Variants in GPC5 observed in about 807,000 individuals in gnomAD.
GPC5 encodes the protein glypican 5.
Under a neutral mutation model 53.9 loss-of-function variants are expected in GPC5, and 47 were observed. That is an observed-to-expected ratio of 0.87 (90% CI 0.69 to 1.11). The LOEUF (loss-of-function observed/expected upper bound fraction) is 1.11. GPC5 is among the 50% of genes most tolerant of loss of function. GPC5 has a pLI of 0.00. For synonymous variants in GPC5, 286 were observed against 263.3 expected, an observed-to-expected ratio of 1.09 and a Z score of -0.84; for missense variants, 748 against 713.1, an observed-to-expected ratio of 1.05 and a Z score of -0.56.
intron 6 of GPC5, among the ~76,000 whole-genome samples, chr13:91,909,778 A>T (rs946650000): frequency 1.3e-5 from 2 of 152,106 alleles, no homozygotes; most frequent in African/African-American, 4.8e-5. Context: ...GGATTATAGA[A>T]ACCCTTAGGA....
At chr13:92,843,931 G>A (rs915697350) in intron 7 of GPC5, among the ~76,000 whole-genome samples, 4 of 151,482 alleles carry the variant, frequency 2.6e-5, no homozygotes, top group Admixed American at 6.6e-5. Context: ...CATATGTCAC[G>A]ATTTACCCAG....
chr13:92,135,415 A>G (rs1176627647), intron 6 of GPC5, among the ~76,000 whole-genome samples: 1 of 152,042 alleles, frequency 6.6e-6, no homozygotes, highest in Non-Finnish European at 1.5e-5. Context: ...GTTAGTTTTT[A>G]GTTTGAACTC....
At chr13:92,226,262 T>C (rs1382160441) in intron 7 of GPC5, among the ~76,000 whole-genome samples, 1 of 152,202 alleles carries the variant, frequency 6.6e-6, no homozygotes, top group Admixed American at 6.5e-5. Context: ...TATAGCAGTG[T>C]GAAAACACAC....
intron 6 of GPC5, among the ~76,000 whole-genome samples, chr13:91,954,505 G>T (rs2040055616): frequency 6.6e-6 from 1 of 151,848 alleles, no homozygotes; most frequent in African/African-American, 2.4e-5. Context: ...ATATGCATAA[G>T]CAACTCAGTA....
chr13:92,657,679 T>C (rs2139178210), intron 7 of GPC5, among the ~76,000 whole-genome samples: 1 of 149,830 alleles, frequency 6.7e-6, no homozygotes, highest in South Asian at 2.1e-4. Flanking sequence ...ACCCTTTCAG[T>C]AGCATCAACA....
intron 7 of GPC5, among the ~76,000 whole-genome samples, chr13:92,236,314 T>G (rs933795038): frequency 6.6e-6 from 1 of 152,106 alleles, no homozygotes; most frequent in African/African-American, 2.4e-5. Context: ...TAAAATTGTA[T>G]GAGAGGACAT....
At chr13:92,658,685 A>C (rs1308325358) in intron 7 of GPC5, among the ~76,000 whole-genome samples, 2 of 151,658 alleles carry the variant, frequency 1.3e-5, no homozygotes, top group Non-Finnish European at 1.5e-5. Flanking sequence ...GAAGGAAGAG[A>C]TAGGCATTTC....
At chr13:92,637,869 A>G (rs76990727) in intron 7 of GPC5, among the ~76,000 whole-genome samples, 5,410 of 152,286 alleles carry the variant, frequency 0.036, 323 homozygotes, top group African/African-American at 0.12. Flanking sequence ...TGAAAAGGTA[A>G]AGGAAAGCAT....
chr13:91,582,185 G>A (rs1268397768), intron 2 of GPC5, among the ~76,000 whole-genome samples: 1 of 152,118 alleles, frequency 6.6e-6, no homozygotes, highest in African/African-American at 2.4e-5. Context: ...CAAAGATCTT[G>A]TCCTTAGGTG....
At chr13:92,016,185 A>G (rs894988286) in intron 6 of GPC5, among the ~76,000 whole-genome samples, 1 of 152,226 alleles carries the variant, frequency 6.6e-6, no homozygotes, top group Non-Finnish European at 1.5e-5. Context: ...TGAAGTACAG[A>G]CTTTTGGTGG....
intron 7 of GPC5, among the ~76,000 whole-genome samples, chr13:92,652,388 A>T (rs1329579843): frequency 1.3e-5 from 2 of 152,138 alleles, no homozygotes; most frequent in African/African-American, 4.8e-5. Context: ...AAGCTACCTT[A>T]TGCCTTTTAG....
intron 7 of GPC5, among the ~76,000 whole-genome samples, chr13:92,709,111 G>A (rs1888049475): frequency 6.6e-6 from 1 of 151,146 alleles, no homozygotes; most frequent in African/African-American, 2.4e-5. Context: ...GCAATGGCAC[G>A]ATCTCAGCTC....
chr13:91,963,297 T>G (rs906154594), intron 6 of GPC5, among the ~76,000 whole-genome samples: 28 of 152,202 alleles, frequency 1.8e-4, no homozygotes, highest in African/African-American at 6.5e-4. Context: ...TGACAAAGTT[T>G]AGGTAAGTAT....
chr13:92,181,398 G>A (rs2042145793), intron 7 of GPC5, among the ~76,000 whole-genome samples: 1 of 152,022 alleles, frequency 6.6e-6, no homozygotes, highest in East Asian at 1.9e-4. Context: ...ATAAAATCAA[G>A]CAAACAAAAA....
intron 7 of GPC5, among the ~76,000 whole-genome samples, chr13:92,284,224 C>A (rs1426543010): frequency 6.6e-6 from 1 of 152,026 alleles, no homozygotes; most frequent in African/African-American, 2.4e-5. Context: ...CAATAACAGG[C>A]TCTGAAATTG....
chr13:92,665,153 G>T (rs1330366387), intron 7 of GPC5, among the ~76,000 whole-genome samples: 5 of 151,982 alleles, frequency 3.3e-5, no homozygotes, highest in African/African-American at 7.3e-5. Flanking sequence ...ATGATAATTT[G>T]CTCTTCTCAT....
intron 7 of GPC5, among the ~76,000 whole-genome samples, chr13:92,762,637 C>T (rs1015470778): frequency 2.0e-5 from 3 of 152,078 alleles, no homozygotes; most frequent in Non-Finnish European, 4.4e-5. Flanking sequence ...TGGAAGATTT[C>T]AGCATTTTTA....
At chr13:92,383,174 A>G (rs1192508117) in intron 7 of GPC5, among the ~76,000 whole-genome samples, 3 of 152,176 alleles carry the variant, frequency 2.0e-5, no homozygotes, top group Non-Finnish European at 4.4e-5. Context: ...TTCATTTCCC[A>G]AAGGAAACAT....
chr13:91,682,688 A>T (rs981691913), intron 2 of GPC5, among the ~76,000 whole-genome samples: 1 of 152,182 alleles, frequency 6.6e-6, no homozygotes, highest in Non-Finnish European at 1.5e-5. Flanking sequence ...CAGTCTTAGG[A>T]CATTGTTCTG....
Sources: gnomAD v4.1 joint callset for allele counts (sites outside exome capture counted in the v4.1 genomes callset) on GRCh38, gnomAD v4.1.1 for gene constraint, MANE v1.5 for transcripts, NCBI Gene and HGNC (gene_info 2026-07-23, HGNC 2026-07-21) for gene names.